The following DNAJB11 variants were observed in gnomAD, a reference collection of about 807,000 sequenced individuals.
DNAJB11 encodes the protein DnaJ heat shock protein family (Hsp40) member B11.
In DNAJB11, 30 loss-of-function variants were observed where a neutral mutation model predicts 47.2. That is an observed-to-expected ratio of 0.64 (90% CI 0.48 to 0.86). The LOEUF (loss-of-function observed/expected upper bound fraction) is 0.86. Among genes scored for constraint, DNAJB11 ranks in the 40% least tolerant of loss-of-function variants. The pLI, the probability that DNAJB11 is intolerant of heterozygous loss-of-function variation, is 0.00. For missense variants in DNAJB11, 357 were observed against 440.2 expected, an observed-to-expected ratio of 0.81 and a Z score of 1.69; for synonymous variants, 151 against 159.9, an observed-to-expected ratio of 0.94 and a Z score of 0.42.
chr3:186,578,334 C>T (rs1715370054), intron 4 of DNAJB11: 1 of 152,072 alleles, frequency 6.6e-6, no homozygotes, highest in African/African-American at 2.4e-5. Flanking sequence ...CCAAACAGCG[C>T]TTTTATGAAC....
chr3:186,581,947 G>A, intron 5 of DNAJB11, 48 bp from the exon 6 acceptor site: 1 of 1,464,032 alleles, frequency 6.8e-7, no homozygotes, highest in South Asian at 1.2e-5. Context: ...CTGATGTTTT[G>A]TTTATATTTT....
At chr3:186,573,141 A>T (rs1300168285) in intron 2 of DNAJB11, among the ~76,000 whole-genome samples, 1 of 152,212 alleles carries the variant, frequency 6.6e-6, no homozygotes, top group Non-Finnish European at 1.5e-5. Flanking sequence ...GAAAAAAATT[A>T]ATTGAACTAA....
Position 186,577,466 on chromosome 3 carries a change from C to T in DNAJB11, c.324-202C>T, listed in dbSNP as rs1337378224. On this transcript the variant is annotated intron_variant, in intron 3 of 9. Coordinates refer to ENST00000265028, the MANE Select transcript of DNAJB11 (RefSeq NM_016306.6). ...AGTGGATTTTTTTGTAGTAAGGGAC[C>T]GTATAGTTACAACATGGTTGATAGT... Among the ~76,000 whole-genome samples, 6 of 151,760 alleles carry T rather than the reference C, an allele frequency of 4.0e-5. No individual in the cohort carries two copies. The East Asian group carries it at 5.8e-4, about 15-fold the overall frequency.
intron 2 of DNAJB11, among the ~76,000 whole-genome samples, chr3:186,574,398 G>C (rs1264562184): frequency 1.3e-5 from 2 of 151,556 alleles, no homozygotes; most frequent in African/African-American, 4.8e-5. Flanking sequence ...CAAATGCAGG[G>C]TTCATTTATT....
At chr3:186,581,602 T>A in intron 5 of DNAJB11, 89 bp downstream of exon 5, 3 of 1,428,280 alleles carry the variant, frequency 2.1e-6, no homozygotes, top group Non-Finnish European at 2.8e-6. Context: ...ACTAGATCTT[T>A]CTCTGTCCCC....
At chr3:186,585,152 G>C (rs1031050197) in intron 9 of DNAJB11, among the ~76,000 whole-genome samples, 192 bp from the exon 10 acceptor site, 6 of 152,124 alleles carry the variant, frequency 3.9e-5, no homozygotes, top group African/African-American at 1.2e-4. Context: ...AAAAGACAAG[G>C]GATCATCCTG....
chr3:186,583,164 T>C (rs904880803), intron 7 of DNAJB11, among the ~76,000 whole-genome samples: 1 of 152,250 alleles, frequency 6.6e-6, no homozygotes, highest in African/African-American at 2.4e-5. Context: ...TTTTGTGAGC[T>C]TCTCTTCAGC....
intron 7 of DNAJB11, among the ~76,000 whole-genome samples, 194 bp from the exon 8 acceptor site, chr3:186,583,671 T>C (rs549296694): frequency 3.9e-5 from 6 of 152,384 alleles, no homozygotes; most frequent in Admixed American, 3.9e-4. Context: ...CTTTTGCTGA[T>C]TGTGTGTTCC....
intron 5 of DNAJB11, 59 bp from the exon 6 acceptor site, chr3:186,581,936 T>A: frequency 7.3e-7 from 1 of 1,367,272 alleles, no homozygotes; most frequent in Non-Finnish European, 1.0e-6. Flanking sequence ...TTTATCTATA[T>A]CTGATGTTTT....
chr3:186,577,867 G>A (rs958030061), intron 4 of DNAJB11, 67 bp downstream of exon 4: 17 of 1,353,924 alleles, frequency 1.3e-5, no homozygotes, highest in East Asian at 2.5e-5. Context: ...AAAAATAAGA[G>A]GTTTATATGT....
chr3:186,581,046 GAAGTACTT>G lies in DNAJB11; in HGVS notation c.457-324_457-317del, dbSNP rs1715464818. On this transcript the variant is annotated intron_variant, in intron 4 of 9. Coordinates refer to ENST00000265028, the MANE Select transcript of DNAJB11 (RefSeq NM_016306.6). ...ATTTCCTAAAAGATAATCATTACAT[GAAGTACTT>G]TAACTCAGTAGCATTTAGTTGTGGC... 2.5e-5 allele frequency: 5 copies of G among 200,988 alleles called. No homozygotes were observed. In the South Asian group the frequency reaches 4.3e-4, roughly 17 times the overall value. 12.5% of individuals were successfully genotyped at this position (200,988 alleles called of 1,614,324 possible).
At chr3:186,575,785 C>T in intron 2 of DNAJB11, 55 bp from the exon 3 acceptor site, 2 of 1,390,372 alleles carry the variant, frequency 1.4e-6, no homozygotes, top group Non-Finnish European at 2.0e-6. Flanking sequence ...ATGACTGTGC[C>T]TTAACTGGAT....
At chr3:186,575,712 A>G (rs1560235221) in intron 2 of DNAJB11, 128 bp from the exon 3 acceptor site, 3 of 659,818 alleles carry the variant, frequency 4.5e-6, no homozygotes. Context: ...AATACAGTAC[A>G]TAATGGAAAC....
rs775973671 is a variant in DNAJB11, at chr3:186,584,566, A to G, written c.989A>G (p.Gln330Arg). ...TTTGATGTGGATTTTCCAAAAGAAC[A>G]GTTAACAGAGGAAGCGAGAGAAGGT... ...ITFDVDFPKEQLTEEAREGIK... is the reference protein window; with the variant it reads ...ITFDVDFPKERLTEEAREGIK... Residue 330 changes from glutamine to arginine, a missense_variant, in exon 9 of 10, where the codon CAG (glutamine) becomes CGG (arginine). By Grantham distance (43) the Gln-to-Arg change is conservative. Coordinates refer to ENST00000265028, the MANE Select transcript of DNAJB11 (RefSeq NM_016306.6). 1.9e-6 allele frequency: 3 copies of G among 1,590,244 alleles called. No individual in the cohort carries two copies. The highest frequency in any genetic ancestry group is 3.6e-5 in the Admixed American group (2 of 55,234).
At chr3:186,571,015 T>TGGGGGATGG in intron 1 of DNAJB11, 50 bp downstream of exon 1, 1 of 144,538 alleles carries the variant, frequency 6.9e-6, no homozygotes, top group Admixed American at 1.6e-4. Context: ...CAGCCTTTGC[T>TGGGGGATGG]GGGGGGTGGG....
intron 8 of DNAJB11, among the ~76,000 whole-genome samples, 187 bp downstream of exon 8, chr3:186,584,163 A>G (rs908272327): frequency 1.3e-5 from 2 of 152,244 alleles, no homozygotes; most frequent in African/African-American, 2.4e-5. Context: ...GCTACTCAGA[A>G]TGGATTGCAC....
chr3:186,570,745 G>T lies in DNAJB11; in HGVS notation c.-153G>T. 1 of 684,608 alleles carries T rather than the reference G, an allele frequency of 1.5e-6. No individual in the cohort carries two copies. Among genetic ancestry groups the T allele is most frequent in the Non-Finnish European group, 2.5e-6 (1 of 399,548 alleles). The allele number at this position is 684,608 out of a possible 1,614,324, so 42.4% of individuals were successfully genotyped here. A position where few individuals can be genotyped will look rare whatever the true frequency, so the allele number is the denominator to read the frequency against. On this transcript the variant is annotated 5_prime_UTR_variant, in exon 1 of 10. Transcript: ENST00000265028. ...ACTCCCGGGAAGTGGACCGGCAGAA[G>T]AGGGGGCTAGCTAGCTGTCTCTGCG...
chr3:186,582,078 G>T lies in DNAJB11; in HGVS notation c.682+1G>T. On this transcript the variant is annotated splice_donor_variant, in intron 6 of 9. Transcript: ENST00000265028. LOFTEE classifies it high-confidence loss of function. ...ATGGAGTACCCCTTTATTGGAGAAGGTGAAATATTGATATTTGATTTTTTG... is the reference window on the plus strand; with the variant it reads ...ATGGAGTACCCCTTTATTGGAGAAGTTGAAATATTGATATTTGATTTTTTG... 6.2e-7 allele frequency: 1 copy of T among 1,609,596 alleles called. No homozygotes were observed. Among genetic ancestry groups the T allele is most frequent in the Non-Finnish European group, 8.5e-7 (1 of 1,176,110 alleles).
At chr3:186,582,817 A>G (rs551114910) in intron 7 of DNAJB11, 44 bp downstream of exon 7, 1 of 1,409,950 alleles carries the variant, frequency 7.1e-7, no homozygotes, top group Admixed American at 2.0e-5. Flanking sequence ...GAGTCAAATT[A>G]TAGAGACGTA....
Sources: gnomAD v4.1 joint callset for allele counts (sites outside exome capture counted in the v4.1 genomes callset) on GRCh38, gnomAD v4.1.1 for gene constraint, MANE v1.5 for transcripts, NCBI Gene and HGNC (gene_info 2026-07-23, HGNC 2026-07-21) for gene names.